The following AHI1 variants were observed in gnomAD, a reference collection of about 807,000 sequenced individuals.
AHI1 encodes the protein jouberin.
A neutral mutation model predicts 149.3 loss-of-function variants in AHI1; 123 were observed. The ratio of observed to expected loss-of-function variants is 0.82; its 90% confidence interval spans 0.71 to 0.96. The LOEUF is 0.96. Among genes scored for constraint, AHI1 ranks in the 40% least tolerant of loss-of-function variants. The pLI is 0.00. For synonymous variants in AHI1, 475 were observed against 459.8 expected (o/e 1.03, Z -0.42); for missense variants, 1,439 against 1,422.7 (o/e 1.01, Z -0.18).
At chr6:135,445,423 C>T (rs1787016187) in intron 13 of AHI1, among the ~76,000 whole-genome samples, 1 of 152,152 alleles carries the variant, frequency 6.6e-6, no homozygotes, top group African/African-American at 2.4e-5. Flanking sequence ...TTAAATTCTG[C>T]TCAGCTTGTG....
At chr6:135,380,171 C>T (rs1368386599) in intron 23 of AHI1, among the ~76,000 whole-genome samples, 10 of 151,892 alleles carry the variant, frequency 6.6e-5, no homozygotes, top group African/African-American at 2.2e-4. Flanking sequence ...CCCTTCCCTG[C>T]TTTGTCGTTA....
intron 8 of AHI1, among the ~76,000 whole-genome samples, chr6:135,461,792 A>C (rs1789934945): frequency 6.6e-6 from 1 of 152,066 alleles, no homozygotes; most frequent in African/African-American, 2.4e-5. Flanking sequence ...CAGTAGTATA[A>C]ATCTTACAAA....
chr6:135,487,520 A>C (rs563084321), intron 5 of AHI1, among the ~76,000 whole-genome samples: 2 of 152,174 alleles, frequency 1.3e-5, no homozygotes, highest in Non-Finnish European at 2.9e-5. Context: ...TTTTTGGATC[A>C]TAAATTTCCC....
intron 23 of AHI1, among the ~76,000 whole-genome samples, chr6:135,386,404 G>A (rs1406774887): frequency 2.7e-5 from 4 of 150,110 alleles, no homozygotes; most frequent in South Asian, 2.1e-4. Flanking sequence ...TCCGCCTCCC[G>A]GGTTCACACC....
chr6:135,388,053 C>T lies in AHI1; in HGVS notation c.3109+6723G>A, dbSNP rs746468056. 8.7e-6 allele frequency: 14 copies of T among 1,612,866 alleles called. No homozygotes were observed. In the Admixed American group the frequency reaches 2.0e-4, roughly 23 times the overall value. On this transcript the variant is annotated intron_variant, in intron 23 of 28. Transcript: ENST00000265602. ...GACTGTCTGGAAAACAAATTCTTGT[C>T]GTTAAAAACTGCATAATAAAAACAT... is the stretch of plus-strand genomic sequence containing the variant.
Position 135,285,419 on chromosome 6 carries a change from CA to C in AHI1, c.*225del. The stretch of plus-strand genomic sequence containing the variant: ...ACAATATAAGTACCAATACTTTGAC[CA>C]ACAATAGTCACAATGGTTTATAACA... On this transcript the variant is annotated 3_prime_UTR_variant, in exon 29 of 29. Coordinates refer to ENST00000265602, the MANE Select transcript of AHI1 (RefSeq NM_001134831.2). 3.4e-6 allele frequency: 2 copies of C among 585,120 alleles called. No homozygotes were observed. Among genetic ancestry groups the C allele is most frequent in the Non-Finnish European group, 6.1e-6 (2 of 328,956 alleles). The allele number at this position is 585,120 out of a possible 1,614,324, so 36.2% of individuals were successfully genotyped here.
intron 22 of AHI1, 108 bp from the exon 23 acceptor site, chr6:135,395,004 G>T: frequency 9.3e-7 from 1 of 1,072,938 alleles, no homozygotes; most frequent in Non-Finnish European, 1.3e-6. Flanking sequence ...CACATGATAG[G>T]TCAAAAGGAG....
At chr6:135,295,679 T>G (rs1346717701) in intron 27 of AHI1, among the ~76,000 whole-genome samples, 2 of 152,100 alleles carry the variant, frequency 1.3e-5, no homozygotes, top group Non-Finnish European at 2.9e-5. Context: ...TGAGAGAAAG[T>G]AGATCAGTGA....
At chr6:135,309,959 A>C (rs1440403173) in intron 26 of AHI1, among the ~76,000 whole-genome samples, 1 of 152,188 alleles carries the variant, frequency 6.6e-6, no homozygotes, top group Non-Finnish European at 1.5e-5. Flanking sequence ...ATATAATAGA[A>C]ATAAATCACT....
chr6:135,474,890 T>C (rs901044085), intron 5 of AHI1, among the ~76,000 whole-genome samples: 1 of 152,358 alleles, frequency 6.6e-6, no homozygotes, highest in Admixed American at 6.5e-5. Context: ...AATCTTTGTC[T>C]GGCTTTGGCA....
chr6:135,388,265 A>G (rs1777908377), intron 23 of AHI1, among the ~76,000 whole-genome samples: 1 of 152,176 alleles, frequency 6.6e-6, no homozygotes, highest in Non-Finnish European at 1.5e-5. Flanking sequence ...TTCAATTAAC[A>G]GTTTAAAGTT....
chr6:135,363,574 A>G (rs1299846645), intron 23 of AHI1, among the ~76,000 whole-genome samples: 1 of 151,890 alleles, frequency 6.6e-6, no homozygotes, highest in Admixed American at 6.6e-5. Context: ...TACACCTCCC[A>G]GACGGGGTGG....
chr6:135,449,813 C>T (rs996856433), intron 11 of AHI1, among the ~76,000 whole-genome samples: 25 of 152,200 alleles, frequency 1.6e-4, no homozygotes, highest in African/African-American at 5.8e-4. Flanking sequence ...CTACCCTGCA[C>T]TTGAAGTATG....
chr6:135,391,671 G>C (rs1778513956), intron 23 of AHI1, among the ~76,000 whole-genome samples: 1 of 152,004 alleles, frequency 6.6e-6, no homozygotes, highest in East Asian at 1.9e-4. Flanking sequence ...GTCAAACCAA[G>C]ACTCAAACCA....
chr6:135,317,521 G>T (rs1786147996), intron 26 of AHI1, among the ~76,000 whole-genome samples: 1 of 150,372 alleles, frequency 6.7e-6, no homozygotes. Context: ...CTCCCCCAGG[G>T]TATATTTAAG....
At chr6:135,313,602 T>C (rs1301669650) in intron 26 of AHI1, among the ~76,000 whole-genome samples, 1 of 152,200 alleles carries the variant, frequency 6.6e-6, no homozygotes, top group African/African-American at 2.4e-5. Flanking sequence ...TGGAGATCAC[T>C]CTATGAGGGG....
chr6:135,297,772 G>GA (rs532089019), intron 27 of AHI1, among the ~76,000 whole-genome samples: 317 of 149,202 alleles, frequency 2.1e-3, no homozygotes, highest in Non-Finnish European at 3.6e-3. Context: ...GATTATTTTA[G>GA]AAAAAAAAAT....
chr6:135,374,199 C>T (rs1353801485), intron 23 of AHI1, among the ~76,000 whole-genome samples: 8 of 147,676 alleles, frequency 5.4e-5, no homozygotes, highest in Non-Finnish European at 1.0e-4. Flanking sequence ...CTGCAAGCTC[C>T]ACCTCCAGGT....
chr6:135,350,203 C>T (rs779915070), intron 24 of AHI1, among the ~76,000 whole-genome samples: 17 of 152,206 alleles, frequency 1.1e-4, no homozygotes, highest in Non-Finnish European at 2.2e-4. Context: ...TCTTCAATTG[C>T]TTCTGATTCA....
Sources: gnomAD v4.1 joint callset for allele counts (sites outside exome capture counted in the v4.1 genomes callset) on GRCh38, gnomAD v4.1.1 for gene constraint, MANE v1.5 for transcripts, NCBI Gene and HGNC (gene_info 2026-07-23, HGNC 2026-07-21) for gene names.